The following ZFHX3 variants were observed in gnomAD, a reference collection of about 807,000 sequenced individuals.
The protein encoded by ZFHX3 is zinc finger homeobox 3, also known as zinc finger homeobox protein 3.
ZFHX3 carries 42 observed loss-of-function variants against 279.1 expected under a neutral mutation model. The observed-to-expected ratio is 0.15, with a 90% CI of 0.12 to 0.19. The LOEUF (loss-of-function observed/expected upper bound fraction) is 0.19, where lower values mean the gene tolerates loss of function less well. Ranked by LOEUF, ZFHX3 falls within the 10% of genes least tolerant of loss-of-function variation. The pLI is 1.00. For missense variants in ZFHX3, 4,981 were observed against 4,754.0 expected (o/e 1.05, Z -1.40); for synonymous variants, 2,293 against 1,957.8 (o/e 1.17, Z -4.52).
chr16:73,091,678 C>T (rs1358569721), intron 8 of ZFHX3, among the ~76,000 whole-genome samples: 1 of 152,206 alleles, frequency 6.6e-6, no homozygotes, highest in East Asian at 1.9e-4. Flanking sequence ...ATTTTACGAT[C>T]TTCATGGGAT....
chr16:73,237,329 T>C (rs943566380), intron 5 of ZFHX3, among the ~76,000 whole-genome samples: 21 of 152,178 alleles, frequency 1.4e-4, no homozygotes, highest in Non-Finnish European at 2.6e-4. Context: ...CACTGCAGCC[T>C]TATTCTCCTG....
At chr16:73,687,540 C>T (rs1164914226) in intron 1 of ZFHX3, among the ~76,000 whole-genome samples, 1 of 152,004 alleles carries the variant, frequency 6.6e-6, no homozygotes, top group African/African-American at 2.4e-5. Context: ...CATTAGCATC[C>T]TCTTAAGATT....
chr16:72,940,690 G>C (rs117590964), intron 3 of ZFHX3, among the ~76,000 whole-genome samples: 1 of 152,214 alleles, frequency 6.6e-6, no homozygotes, highest in East Asian at 1.9e-4. Context: ...TGCACAGGCC[G>C]GCCCTGCCAA....
intron 3 of ZFHX3, among the ~76,000 whole-genome samples, chr16:73,343,370 G>C (rs2143264009): frequency 6.6e-6 from 1 of 152,228 alleles, no homozygotes; most frequent in South Asian, 2.1e-4. Flanking sequence ...CTGAATTCCA[G>C]CTCAGGTAAG....
intron 5 of ZFHX3, among the ~76,000 whole-genome samples, chr16:72,816,198 C>G (rs184436171): frequency 3.2e-4 from 48 of 152,298 alleles, no homozygotes; most frequent in Non-Finnish European, 3.2e-4. Context: ...TTAAGTTCAA[C>G]TGTCCATGAA....
At chr16:73,556,494 C>T (rs1015884645) in intron 2 of ZFHX3, among the ~76,000 whole-genome samples, 4 of 152,170 alleles carry the variant, frequency 2.6e-5, no homozygotes, top group African/African-American at 7.2e-5. Context: ...CAAAAGAAAG[C>T]GGTACAGCCT....
chr16:73,715,877 C>G (rs529985407), intron 1 of ZFHX3, among the ~76,000 whole-genome samples: 1 of 152,184 alleles, frequency 6.6e-6, no homozygotes, highest in East Asian at 1.9e-4. Context: ...TGGCCCATAG[C>G]TAGTCTTTAA....
At chr16:72,933,523 C>G (rs1959935236) in intron 3 of ZFHX3, among the ~76,000 whole-genome samples, 1 of 152,186 alleles carries the variant, frequency 6.6e-6, no homozygotes, top group Non-Finnish European at 1.5e-5. Context: ...CACCACCCAG[C>G]TGCTGAAATT....
chr16:73,401,223 T>A (rs1298256860), intron 3 of ZFHX3: 1 of 152,146 alleles, frequency 6.6e-6, no homozygotes, highest in East Asian at 1.9e-4. Context: ...GAAAAATATG[T>A]TCATTTCCAC....
chr16:73,326,882 G>A (rs2015701210), intron 3 of ZFHX3, among the ~76,000 whole-genome samples: 3 of 152,116 alleles, frequency 2.0e-5, no homozygotes, highest in South Asian at 2.1e-4. Context: ...CCTTGGAGGC[G>A]ATGCCATCGA....
At chr16:73,437,289 G>T (rs2018014550) in intron 3 of ZFHX3, among the ~76,000 whole-genome samples, 1 of 152,044 alleles carries the variant, frequency 6.6e-6, no homozygotes, top group Non-Finnish European at 1.5e-5. Flanking sequence ...TAGTAACAAA[G>T]GCAAGGACAA....
chr16:73,802,563 A>G (rs1490730515), intron 1 of ZFHX3, among the ~76,000 whole-genome samples: 1 of 152,200 alleles, frequency 6.6e-6, no homozygotes, highest in Non-Finnish European at 1.5e-5. Context: ...AGGGAAAAGA[A>G]TGAGAAAGGA....
chr16:73,284,451 GTATT>G (rs1015107047), intron 4 of ZFHX3, among the ~76,000 whole-genome samples: 39 of 151,616 alleles, frequency 2.6e-4, no homozygotes, highest in African/African-American at 9.2e-4. Context: ...TATGTGAAAT[GTATT>G]ATTATAAACT....
At chr16:73,132,582 A>G (rs1275547281) in intron 6 of ZFHX3, among the ~76,000 whole-genome samples, 1 of 152,126 alleles carries the variant, frequency 6.6e-6, no homozygotes, top group African/African-American at 2.4e-5. Flanking sequence ...GTCCTGCTTC[A>G]TGGTCTGGTC....
At chr16:73,701,965 T>C (rs1025282625) in intron 1 of ZFHX3, among the ~76,000 whole-genome samples, 3 of 152,142 alleles carry the variant, frequency 2.0e-5, no homozygotes, top group Admixed American at 2.0e-4. Context: ...AAAGGGTTTT[T>C]AATGAAAAAA....
intron 3 of ZFHX3, among the ~76,000 whole-genome samples, chr16:73,429,482 G>A (rs1000325132): frequency 6.6e-6 from 1 of 151,674 alleles, no homozygotes; most frequent in South Asian, 2.1e-4. Flanking sequence ...ACAGATGCCC[G>A]CCACCATGCC....
chr16:73,008,102 C>A (rs950682429), intron 1 of ZFHX3, among the ~76,000 whole-genome samples: 2 of 152,032 alleles, frequency 1.3e-5, no homozygotes, highest in African/African-American at 2.4e-5. Context: ...TCACTTTTAT[C>A]TTACAATTCT....
chr16:73,037,472 G>A (rs890285344), intron 1 of ZFHX3, among the ~76,000 whole-genome samples: 2 of 152,234 alleles, frequency 1.3e-5, no homozygotes, highest in South Asian at 4.2e-4. Context: ...GGGTGTGCTG[G>A]CCAGCCCGGC....
Position 72,939,180 on chromosome 16 carries a change from C to T in ZFHX3, c.3216+11289G>A, listed in dbSNP as rs140389513. On this transcript the variant is annotated intron_variant, in intron 3 of 9. Transcript: ENST00000268489. ...AGCTATGGGAGGACCACAGTGAAAA[C>T]CATCTTGGAGCAGGGGACTCCTCAG... Among the ~76,000 whole-genome samples, 409 of 152,256 alleles carry T rather than the reference C, an allele frequency of 2.7e-3. 3 individuals are homozygous for T. The highest frequency in any genetic ancestry group is 9.2e-3 in the African/African-American group (383 of 41,540).
Sources: gnomAD v4.1 joint callset for allele counts (sites outside exome capture counted in the v4.1 genomes callset) on GRCh38, gnomAD v4.1.1 for gene constraint, MANE v1.5 for transcripts, NCBI Gene and HGNC (gene_info 2026-07-23, HGNC 2026-07-21) for gene names.